AEBP2: variants seen among roughly 807,000 people sequenced by gnomAD.
The protein encoded by AEBP2 is AE binding protein 2.
A neutral mutation model predicts 50.8 loss-of-function variants in AEBP2; 10 were observed. That is an observed-to-expected ratio of 0.20 (90% CI 0.12 to 0.33). The LOEUF (loss-of-function observed/expected upper bound fraction) is 0.33, where lower values mean the gene tolerates loss of function less well. Among genes scored for constraint, AEBP2 ranks in the 10% least tolerant of loss-of-function variants. AEBP2 has a pLI of 1.00. For missense variants in AEBP2, 570 were observed against 688.0 expected (o/e 0.83, Z 1.92); for synonymous variants, 296 against 261.3 (o/e 1.13, Z -1.28).
In AEBP2 at chr12:19,519,432, A is replaced by G. The variant is rs1565742210; in HGVS notation, c.*1315A>G. ...ACTACTGTTAATATCTCTAAGAACA[A>G]AACACATTGAACATCCTTCCAGAAA... is the stretch of plus-strand genomic sequence containing the variant. On this transcript the variant is annotated 3_prime_UTR_variant, in exon 8 of 8. Coordinates refer to ENST00000266508, the MANE Select transcript of AEBP2 (RefSeq NM_153207.5). 1 of 152,576 alleles carries G rather than the reference A, an allele frequency of 6.6e-6. No homozygotes were observed. Among genetic ancestry groups the G allele is most frequent in the Non-Finnish European group, 1.5e-5 (1 of 67,976 alleles). The allele number at this position is 152,576 out of a possible 1,614,324, so 9.5% of individuals were successfully genotyped here.
intron 3 of AEBP2, among the ~76,000 whole-genome samples, chr12:19,474,111 A>G (rs540308970): frequency 6.6e-6 from 1 of 152,318 alleles, no homozygotes; most frequent in Admixed American, 6.5e-5. Flanking sequence ...CACACTACTG[A>G]GCTTAGTTGT....
upstream of AEBP2, among the ~76,000 whole-genome samples, chr12:19,436,913 C>A (rs144679444): frequency 6.6e-6 from 1 of 152,206 alleles, no homozygotes; most frequent in African/African-American, 2.4e-5. Context: ...ATGCTGAGTA[C>A]TTTGAACTAA....
chr12:19,514,160 C>A (rs1949284528), intron 6 of AEBP2, among the ~76,000 whole-genome samples: 1 of 151,782 alleles, frequency 6.6e-6, no homozygotes, highest in African/African-American at 2.4e-5. Context: ...CCACCATGCC[C>A]AGCTAATTTT....
intron 1 of AEBP2, among the ~76,000 whole-genome samples, chr12:19,427,233 C>T (rs1019033272): frequency 3.6e-4 from 54 of 151,888 alleles, no homozygotes; most frequent in African/African-American, 1.3e-3. Flanking sequence ...AAAAGTTAGC[C>T]AGGTGTGTTG....
intron 1 of AEBP2, among the ~76,000 whole-genome samples, chr12:19,417,609 T>C (rs375256089): frequency 9.2e-5 from 14 of 151,852 alleles, no homozygotes; most frequent in African/African-American, 2.9e-4. Flanking sequence ...GGTTTCTCCA[T>C]GTTGGCCAGG....
chr12:19,468,785 C>T (rs781543797), intron 2 of AEBP2, among the ~76,000 whole-genome samples: 9 of 152,064 alleles, frequency 5.9e-5, no homozygotes, highest in Admixed American at 5.2e-4. Flanking sequence ...AGAAGATTCC[C>T]AGAGGCAAAA....
chr12:19,512,301 T>C, intron 5 of AEBP2, 97 bp from the exon 6 acceptor site: 1 of 746,468 alleles, frequency 1.3e-6, no homozygotes. Context: ...ATTACAGGCA[T>C]GAGCCATCGC....
Position 19,440,084 on chromosome 12 carries a change from A to T in AEBP2, c.385A>T (p.Ser129Cys). 1 of 1,509,410 alleles carries T rather than the reference A, an allele frequency of 6.6e-7. No homozygotes were observed. Among genetic ancestry groups the T allele is most frequent in the Non-Finnish European group, 8.8e-7 (1 of 1,134,878 alleles). 93.5% of individuals were successfully genotyped at this position (1,509,410 alleles called of 1,614,324 possible). Residue 129 changes from serine to cysteine, a missense_variant, in exon 1 of 8, where the codon AGC (serine) becomes TGC (cysteine). Physicochemically the swap from Ser to Cys is moderately radical, Grantham distance 112. Transcript: ENST00000266508. ...TAGCGCCGAGAGCCTGGTGGGCAGCAGCGGCGGGAGCAGCAGCGACGAGAC... is the reference window on the plus strand; with the variant it reads ...TAGCGCCGAGAGCCTGGTGGGCAGCTGCGGCGGGAGCAGCAGCGACGAGAC... ...ESSAESLVGSSGGSSSDETRS... is the reference protein window; with the variant it reads ...ESSAESLVGSCGGSSSDETRS...
At chr12:19,504,899 G>A (rs1243071237) in intron 5 of AEBP2, among the ~76,000 whole-genome samples, 2 of 152,158 alleles carry the variant, frequency 1.3e-5, no homozygotes, top group Non-Finnish European at 2.9e-5. Flanking sequence ...ATAAAGGAGA[G>A]AGTGATAGAA....
chr12:19,470,033 A>T (rs188319075), intron 2 of AEBP2, among the ~76,000 whole-genome samples: 16 of 152,362 alleles, frequency 1.1e-4, no homozygotes, highest in Admixed American at 1.0e-3. Flanking sequence ...ACGTCTAAAA[A>T]GTCTCAGATT....
chr12:19,465,871 A>G (rs1452979954), intron 2 of AEBP2, among the ~76,000 whole-genome samples: 1 of 147,878 alleles, frequency 6.8e-6, no homozygotes, highest in African/African-American at 2.5e-5. Context: ...AGCTCACTAC[A>G]GCCTCCGTCT....
intron 1 of AEBP2, among the ~76,000 whole-genome samples, chr12:19,405,236 G>GT (rs2095735575): frequency 6.6e-6 from 1 of 151,214 alleles, no homozygotes; most frequent in African/African-American, 2.4e-5. Flanking sequence ...GTTGGCTATC[G>GT]TTTTAGGCTA....
intron 3 of AEBP2, among the ~76,000 whole-genome samples, chr12:19,490,298 T>A (rs950614442): frequency 6.6e-6 from 1 of 152,202 alleles, no homozygotes; most frequent in Non-Finnish European, 1.5e-5. Context: ...GTTACCTATA[T>A]CTAATAGATG....
At chr12:19,471,576 A>G (rs1948574157) in intron 2 of AEBP2, among the ~76,000 whole-genome samples, 1 of 151,932 alleles carries the variant, frequency 6.6e-6, no homozygotes, top group African/African-American at 2.4e-5. Context: ...ATCATGGCTC[A>G]CTGCAGCCTC....
At chr12:19,425,598 A>G (rs1472746171) in intron 1 of AEBP2, among the ~76,000 whole-genome samples, 1 of 151,624 alleles carries the variant, frequency 6.6e-6, no homozygotes, top group East Asian at 1.9e-4. Context: ...ACATGCTGAA[A>G]CCCTGTCTCT....
intron 4 of AEBP2, 132 bp from the exon 5 acceptor site, chr12:19,499,965 G>A: frequency 1.1e-6 from 1 of 917,482 alleles, no homozygotes; most frequent in Non-Finnish European, 1.6e-6. Context: ...TAGAGTCCAT[G>A]TTTTGTAAGC....
rs1036054452 is a variant in AEBP2 at position 19,448,310 on chromosome 12, G to A, written c.671+7940G>A. Among the ~76,000 whole-genome samples the A allele has an allele frequency of 3.9e-5, 6 of 152,160 alleles. No individual in the cohort carries two copies. The East Asian group carries it at 5.8e-4, about 15-fold the overall frequency. On this transcript the variant is annotated intron_variant, in intron 1 of 7. Coordinates refer to ENST00000266508, the MANE Select transcript of AEBP2 (RefSeq NM_153207.5). ...ACATTTTAAAAGTAAAGATCAGGCCGGACATGGTGGCTCACATCCGTAGTA... is the reference window on the plus strand; with the variant it reads ...ACATTTTAAAAGTAAAGATCAGGCCAGACATGGTGGCTCACATCCGTAGTA...
At chr12:19,493,587 G>A (rs1269906695) in intron 3 of AEBP2, among the ~76,000 whole-genome samples, 3 of 152,104 alleles carry the variant, frequency 2.0e-5, no homozygotes, top group African/African-American at 7.2e-5. Flanking sequence ...CGTGAAACTT[G>A]TTGCATTTTC....
intron 1 of AEBP2, chr12:19,456,154 C>T: frequency 2.2e-6 from 2 of 898,586 alleles, no homozygotes; most frequent in Non-Finnish European, 3.4e-6. Context: ...TCTTTTACTA[C>T]TAAACTTAAA....
Sources: allele counts gnomAD v4.1 joint callset (sites outside exome capture counted in the v4.1 genomes callset), GRCh38; gene constraint gnomAD v4.1.1; transcripts MANE v1.5; gene names NCBI Gene and HGNC (gene_info 2026-07-23, HGNC 2026-07-21).